The following GPC6 variants were observed in gnomAD, a reference collection of about 807,000 sequenced individuals.
GPC6 encodes glypican-6.
Under a neutral mutation model 55.2 loss-of-function variants are expected in GPC6, and 14 were observed. That is an observed-to-expected ratio of 0.25 (90% confidence interval 0.17 to 0.40). The LOEUF (loss-of-function observed/expected upper bound fraction) is 0.40, where lower values mean the gene tolerates loss of function less well. GPC6 is among the 10% of genes least tolerant of loss of function. The pLI is 1.00. For synonymous variants in GPC6, 278 were observed against 259.6 expected, an observed-to-expected ratio of 1.07 and a Z score of -0.68; for missense variants, 641 against 708.5, an observed-to-expected ratio of 0.90 and a Z score of 1.08.
intron 4 of GPC6, among the ~76,000 whole-genome samples, chr13:94,172,287 G>C (rs916986843): frequency 6.6e-6 from 1 of 151,992 alleles, no homozygotes; most frequent in African/African-American, 2.4e-5. Context: ...ATGGTGAGAA[G>C]GGAGATGATT....
intron 3 of GPC6, among the ~76,000 whole-genome samples, chr13:93,875,283 T>C (rs932034870): frequency 3.3e-5 from 5 of 152,046 alleles, no homozygotes; most frequent in African/African-American, 1.2e-4. Flanking sequence ...ATTCTACTTC[T>C]ATTTACCCGC....
At chr13:94,095,691 C>A (rs1334846339) in intron 4 of GPC6, among the ~76,000 whole-genome samples, 2 of 152,068 alleles carry the variant, frequency 1.3e-5, no homozygotes, top group Non-Finnish European at 2.9e-5. Flanking sequence ...ACGAAAGAGT[C>A]ATGGGATCAG....
intron 4 of GPC6, among the ~76,000 whole-genome samples, chr13:94,031,763 T>A (rs191467969): frequency 7.7e-4 from 117 of 152,358 alleles, no homozygotes; most frequent in Middle Eastern, 3.4e-3. Context: ...TATCCTGTGG[T>A]TATTTTGAGT....
At chr13:93,667,264 T>C (rs960179523) in intron 2 of GPC6, among the ~76,000 whole-genome samples, 16 of 152,148 alleles carry the variant, frequency 1.1e-4, no homozygotes, top group Non-Finnish European at 5.9e-5. Flanking sequence ...AGCCATGTTA[T>C]GTGAAAATTA....
At chr13:93,865,055 C>T (rs1384070016) in intron 3 of GPC6, among the ~76,000 whole-genome samples, 1 of 151,648 alleles carries the variant, frequency 6.6e-6, no homozygotes, top group African/African-American at 2.4e-5. Context: ...ATGGGCATTT[C>T]ATCACAATTG....
At chr13:93,953,909 A>G (rs1879377275) in intron 3 of GPC6, among the ~76,000 whole-genome samples, 1 of 152,190 alleles carries the variant, frequency 6.6e-6, no homozygotes, top group South Asian at 2.1e-4. Flanking sequence ...ATTGCAGTAA[A>G]TTACACATCA....
At chr13:93,364,489 G>A (rs893721717) in intron 1 of GPC6, among the ~76,000 whole-genome samples, 6 of 151,950 alleles carry the variant, frequency 3.9e-5, no homozygotes, top group South Asian at 2.1e-4. Context: ...AGGATTAGTC[G>A]TTGATGCTAT....
intron 1 of GPC6, among the ~76,000 whole-genome samples, chr13:93,425,419 A>C (rs1450115853): frequency 7.3e-6 from 1 of 137,590 alleles, no homozygotes; most frequent in African/African-American, 2.5e-5. Context: ...TTGTACACCA[A>C]CCACAACCTA....
chr13:93,218,546 T>C, the GPC6 span, among the ~76,000 whole-genome samples: 1 of 152,214 alleles, frequency 6.6e-6, no homozygotes, highest in East Asian at 1.9e-4. Flanking sequence ...GGGCTTAATG[T>C]AGTCACACAA....
chr13:93,721,967 C>T (rs1883470137), intron 2 of GPC6, among the ~76,000 whole-genome samples: 1 of 151,686 alleles, frequency 6.6e-6, no homozygotes, highest in South Asian at 2.1e-4. Context: ...GTAATGTTTT[C>T]AGATTTTTAA....
chr13:93,645,863 G>A (rs1009654533), intron 2 of GPC6, among the ~76,000 whole-genome samples: 1 of 151,972 alleles, frequency 6.6e-6, no homozygotes, highest in Admixed American at 6.6e-5. Context: ...TTATCATCAC[G>A]CTAAAGCACG....
chr13:94,331,999 T>C (rs1446265855), intron 6 of GPC6, among the ~76,000 whole-genome samples: 1 of 152,204 alleles, frequency 6.6e-6, no homozygotes, highest in Non-Finnish European at 1.5e-5. Context: ...CTGTTCTCCA[T>C]CTGAGTCTCA....
At chr13:93,521,162 G>T (rs1040358942) in intron 1 of GPC6, among the ~76,000 whole-genome samples, 1 of 151,806 alleles carries the variant, frequency 6.6e-6, no homozygotes, top group Non-Finnish European at 1.5e-5. Flanking sequence ...CACCTATAAA[G>T]CATCTAGTTG....
chr13:94,070,392 T>G (rs745746252), intron 4 of GPC6, among the ~76,000 whole-genome samples: 10 of 152,194 alleles, frequency 6.6e-5, no homozygotes, highest in Non-Finnish European at 1.5e-4. Flanking sequence ...AATGTCTAAA[T>G]GCAGAGAACT....
chr13:94,132,630 C>A (rs1002896886), intron 4 of GPC6, among the ~76,000 whole-genome samples: 10 of 152,144 alleles, frequency 6.6e-5, no homozygotes, highest in African/African-American at 1.9e-4. Context: ...TAATAGTTGC[C>A]CTCACCTCCC....
chr13:93,637,143 A>G (rs1270822107), intron 2 of GPC6, among the ~76,000 whole-genome samples: 1 of 152,176 alleles, frequency 6.6e-6, no homozygotes, highest in Non-Finnish European at 1.5e-5. Flanking sequence ...AACATTCTCT[A>G]AAACAAAGAC....
At chr13:93,956,766 A>C (rs1879525959) in intron 3 of GPC6, among the ~76,000 whole-genome samples, 1 of 152,204 alleles carries the variant, frequency 6.6e-6, no homozygotes, top group Admixed American at 6.5e-5. Context: ...CTAGGCACCC[A>C]CTTCTATTTA....
At chr13:93,522,656 A>G (rs1177728373) in intron 1 of GPC6, among the ~76,000 whole-genome samples, 1 of 151,888 alleles carries the variant, frequency 6.6e-6, no homozygotes, top group Non-Finnish European at 1.5e-5. Flanking sequence ...GAGATGAGCT[A>G]AGTCATCAAA....
At chr13:93,967,701 A>G (rs1880108871) in intron 3 of GPC6, among the ~76,000 whole-genome samples, 1 of 152,216 alleles carries the variant, frequency 6.6e-6, no homozygotes, top group African/African-American at 2.4e-5. Flanking sequence ...GTGAGATATG[A>G]CAAATATTTA....
Sources: allele counts gnomAD v4.1 joint callset (sites outside exome capture counted in the v4.1 genomes callset), GRCh38; gene constraint gnomAD v4.1.1; transcripts MANE v1.5; gene names NCBI Gene and HGNC (gene_info 2026-07-23, HGNC 2026-07-21).